Variants in ITFG1 observed in about 807,000 individuals in gnomAD.
ITFG1 encodes the protein integrin alpha FG-GAP repeat containing 1.
ITFG1 carries 34 observed loss-of-function variants against 81.8 expected under a neutral mutation model. That is an observed-to-expected ratio of 0.42 (90% CI 0.32 to 0.55). ITFG1 has a LOEUF of 0.55. ITFG1 is among the 20% of genes least tolerant of loss of function. The pLI, the probability that ITFG1 is intolerant of heterozygous loss-of-function variation, is 0.17. For missense variants in ITFG1, 672 were observed against 755.4 expected (o/e 0.89, Z 1.29); for synonymous variants, 285 against 270.6 (o/e 1.05, Z -0.52).
intron 5 of ITFG1, among the ~76,000 whole-genome samples, chr16:47,440,099 A>G (rs934098922): frequency 1.3e-5 from 2 of 152,186 alleles, no homozygotes; most frequent in Non-Finnish European, 2.9e-5. Flanking sequence ...AGGCCATTAC[A>G]TAATGGTAAA....
chr16:47,345,187 T>A (rs1455517590), intron 8 of ITFG1, among the ~76,000 whole-genome samples: 1 of 152,088 alleles, frequency 6.6e-6, no homozygotes, highest in African/African-American at 2.4e-5. Flanking sequence ...TTTGGCTTCC[T>A]GGGCCACAAT....
At chr16:47,436,822 A>C (rs532509764) in intron 5 of ITFG1, among the ~76,000 whole-genome samples, 1 of 152,294 alleles carries the variant, frequency 6.6e-6, no homozygotes, top group Admixed American at 6.5e-5. Context: ...TTGTAAAAGG[A>C]TGCATAATCA....
chr16:47,301,566 T>C (rs938630938), intron 10 of ITFG1, among the ~76,000 whole-genome samples: 8 of 152,084 alleles, frequency 5.3e-5, no homozygotes, highest in Non-Finnish European at 8.8e-5. Context: ...CAGCTAATTT[T>C]TGCATTTTTA....
chr16:47,328,329 G>C (rs1967588798), intron 8 of ITFG1, among the ~76,000 whole-genome samples: 3 of 152,048 alleles, frequency 2.0e-5, no homozygotes, highest in Admixed American at 1.3e-4. Flanking sequence ...TGTGGGGTGG[G>C]GGAAGGCGGG....
chr16:47,372,954 C>T (rs1470057959), intron 7 of ITFG1, among the ~76,000 whole-genome samples: 1 of 152,134 alleles, frequency 6.6e-6, no homozygotes, highest in Non-Finnish European at 1.5e-5. Context: ...GCATGCTAAC[C>T]TATCTGATAT....
chr16:47,181,414 C>A (rs1394971689), intron 14 of ITFG1, among the ~76,000 whole-genome samples: 39 of 146,318 alleles, frequency 2.7e-4, no homozygotes, highest in Non-Finnish European at 2.1e-4. Flanking sequence ...GGGGTCAGCC[C>A]CCCCGCCCGG....
chr16:47,286,015 A>C (rs1264185591), intron 10 of ITFG1, among the ~76,000 whole-genome samples: 3 of 152,160 alleles, frequency 2.0e-5, no homozygotes. Flanking sequence ...TCCACATGGC[A>C]GACTACAAAG....
At chr16:47,188,571 C>A (rs1195423655) in intron 14 of ITFG1, among the ~76,000 whole-genome samples, 1 of 132,292 alleles carries the variant, frequency 7.6e-6, no homozygotes, top group Non-Finnish European at 1.5e-5. Flanking sequence ...AATGAGAACA[C>A]ATGGACAGAG....
chr16:47,334,584 G>A (rs570458696), intron 8 of ITFG1, among the ~76,000 whole-genome samples: 1 of 152,232 alleles, frequency 6.6e-6, no homozygotes, highest in African/African-American at 2.4e-5. Flanking sequence ...GAAGTCATGC[G>A]TCAAGGCAAA....
intron 10 of ITFG1, among the ~76,000 whole-genome samples, chr16:47,279,086 G>GT (rs1479287068): frequency 6.6e-6 from 1 of 151,946 alleles, no homozygotes; most frequent in Non-Finnish European, 1.5e-5. Context: ...TCTGTGGCTT[G>GT]TTTTTTCATC....
chr16:47,441,924 G>A (rs1969256975), intron 5 of ITFG1, among the ~76,000 whole-genome samples: 1 of 152,174 alleles, frequency 6.6e-6, no homozygotes, highest in African/African-American at 2.4e-5. Context: ...TGTATATCTA[G>A]AAAACCCCAT....
At chr16:47,430,475 T>C (rs1024096709) in intron 5 of ITFG1, among the ~76,000 whole-genome samples, 7 of 152,204 alleles carry the variant, frequency 4.6e-5, no homozygotes, top group African/African-American at 1.4e-4. Flanking sequence ...ATCCATTTCC[T>C]AATGCAAGGC....
rs1254634674 is a variant in ITFG1, at chr16:47,454,031, C to T, written c.409G>A (p.Gly137Arg). Reference protein sequence around the residue: ...KSELGAVIFWGQNQTLDPNNM... With the variant: ...KSELGAVIFWRQNQTLDPNNM... The stretch of plus-strand genomic sequence containing the variant: ...AATTCACCTAATGTTTGATTTTGTC[C>T]CCAGAAGATAACAGCTCCTAATTCA... Residue 137 changes from glycine to arginine, a missense_variant, in exon 3 of 18, where the codon GGA becomes AGA. Around this residue, in one of 3 missense-constraint regions of ITFG1, gnomAD observed 560 missense variants for 625.7 expected, o/e 0.90. Transcript: ENST00000320640. 12 of 1,602,000 alleles carry T rather than the reference C, an allele frequency of 7.5e-6. No homozygotes were observed. Among genetic ancestry groups the T allele is most frequent in the Non-Finnish European group, 1.7e-6 (2 of 1,174,156 alleles).
intron 6 of ITFG1, among the ~76,000 whole-genome samples, chr16:47,414,766 T>C (rs1227399693): frequency 2.6e-5 from 4 of 152,208 alleles, no homozygotes; most frequent in South Asian, 2.1e-4. Flanking sequence ...CTCCTTTATA[T>C]ACTTTTGAAC....
intron 6 of ITFG1, among the ~76,000 whole-genome samples, chr16:47,412,261 T>C (rs1465113582): frequency 1.3e-5 from 2 of 151,948 alleles, no homozygotes; most frequent in East Asian, 1.9e-4. Flanking sequence ...CTTAACCAGA[T>C]TGAAATGGCT....
At chr16:47,355,404 C>T (rs890894145) in intron 8 of ITFG1, among the ~76,000 whole-genome samples, 3 of 152,084 alleles carry the variant, frequency 2.0e-5, no homozygotes, top group East Asian at 1.9e-4. Context: ...ATGGAGAGAG[C>T]TTGGTCAAAG....
At chr16:47,211,855 C>T (rs989522018) in intron 14 of ITFG1, among the ~76,000 whole-genome samples, 6 of 152,036 alleles carry the variant, frequency 3.9e-5, no homozygotes, top group South Asian at 2.1e-4. Flanking sequence ...CCTGGCATAA[C>T]CCCCACTTGA....
chr16:47,326,927 C>T (rs1967555175), intron 8 of ITFG1, among the ~76,000 whole-genome samples: 1 of 152,106 alleles, frequency 6.6e-6, no homozygotes, highest in Non-Finnish European at 1.5e-5. Context: ...TCAATGCCAT[C>T]CCCATCAAGC....
rs1968700468 is a variant in ITFG1 at position 47,404,267 on chromosome 16, C to A, written c.655+24537G>T. ...TTCCAATCTGCCTTTAATGGCAAGA[C>A]TTGATAAGTTAAAAGAAATATACAT... On this transcript the variant is annotated intron_variant, in intron 6 of 17. Coordinates refer to ENST00000320640, the MANE Select transcript of ITFG1 (RefSeq NM_030790.5). 2.6e-5 allele frequency among the ~76,000 whole-genome samples: 4 copies of A among 151,996 alleles called. No individual in the cohort carries two copies. The South Asian group carries it at 8.3e-4, about 32-fold the overall frequency.
Sources: allele counts gnomAD v4.1 joint callset (sites outside exome capture counted in the v4.1 genomes callset), GRCh38; gene constraint gnomAD v4.1.1; regional missense constraint gnomAD v4.1.1; transcripts MANE v1.5; gene names NCBI Gene and HGNC (gene_info 2026-07-23, HGNC 2026-07-21).